C3: variants seen among roughly 807,000 people sequenced by gnomAD.
C3 encodes the protein complement C3.
A neutral mutation model predicts 207.9 loss-of-function variants in C3; 97 were observed. The observed-to-expected ratio is 0.47, with a 90% CI of 0.40 to 0.55. The LOEUF (loss-of-function observed/expected upper bound fraction) is 0.55, where lower values mean the gene tolerates loss of function less well. Ranked by LOEUF, C3 falls within the 20% of genes least tolerant of loss-of-function variation. The pLI is 0.00. For missense variants in C3, 1,684 were observed against 2,171.7 expected, an observed-to-expected ratio of 0.78 and a Z score of 4.46; for synonymous variants, 848 against 857.6, an observed-to-expected ratio of 0.99 and a Z score of 0.20.
At chr19:6,682,446 A>T (rs1917889422) in intron 33 of C3, 1 of 546,050 alleles carries the variant, frequency 1.8e-6, no homozygotes, top group Non-Finnish European at 3.3e-6. Flanking sequence ...TCTGCACCCA[A>T]CTGCATGGAT....
rs1362137104 is a variant in C3 at position 6,719,075 on chromosome 19, C to A, written c.267+136G>T. ...GAAGGGAGGGGCTTAGAAGGAGAGGCGACTCCGAAGGGGTGGAGTCTCAGG... is the reference window on the plus strand; with the variant it reads ...GAAGGGAGGGGCTTAGAAGGAGAGGAGACTCCGAAGGGGTGGAGTCTCAGG... On this transcript the variant is annotated intron_variant, in intron 2 of 40. Transcript: ENST00000245907. This position sits in a 1 kb window ranked among gnomAD's most constrained non-coding sequence, Gnocchi z 5.4. 1.2e-5 allele frequency: 9 copies of A among 749,188 alleles called. No individual in the cohort carries two copies. The highest frequency in any genetic ancestry group is 2.1e-5 in the Non-Finnish European group (9 of 436,094). 46.4% of individuals were successfully genotyped at this position (749,188 alleles called of 1,614,324 possible). A position where few individuals can be genotyped will look rare whatever the true frequency, so the allele number is the denominator to read the frequency against.
rs1409941050 is a variant in C3 at position 6,700,313 on chromosome 19, T to C, written c.2440+1814A>G. On this transcript the variant is annotated intron_variant, in intron 19 of 40. Transcript: ENST00000245907. ...TATATGTGATATGCAATATATATTA[T>C]ATGTAATATAACATATTACATGTAA... 8.6e-5 allele frequency among the ~76,000 whole-genome samples: 11 copies of C among 127,270 alleles called. 3 individuals are homozygous for C. Among genetic ancestry groups the C allele is most frequent in the Non-Finnish European group, 1.7e-4 (11 of 64,080 alleles). The allele number at this position is 127,270 out of a possible 152,430, so 83.5% of individuals were successfully genotyped here. A position where few individuals can be genotyped will look rare whatever the true frequency, so the allele number is the denominator to read the frequency against.
chr19:6,718,457 A>G, intron 2 of C3, 45 bp from the exon 3 acceptor site: 1 of 1,606,940 alleles, frequency 6.2e-7, no homozygotes, highest in Non-Finnish European at 8.5e-7. Flanking sequence ...CCAAGGCCCC[A>G]TGCCCACGGT....
In C3 at chr19:6,677,880, G is replaced by T. The variant is rs529117988; in HGVS notation, c.*2C>A. The T allele has an allele frequency of 6.2e-7, 1 of 1,613,894 alleles. No homozygotes were observed. The highest frequency in any genetic ancestry group is 1.3e-5 in the African/African-American group (1 of 75,002). ...ATCTGGAGTGGGGGAATGGGGGTGT[G>T]GTCAGTTGGGGCACCCAAAGACAAC... On this transcript the variant is annotated 3_prime_UTR_variant, in exon 41 of 41. Coordinates refer to ENST00000245907, the MANE Select transcript of C3 (RefSeq NM_000064.4).
At chr19:6,702,992 C>T (rs867591855) in intron 17 of C3, 13 of 254,394 alleles carry the variant, frequency 5.1e-5, no homozygotes, top group Middle Eastern at 1.5e-3. Context: ...TGAGATCACA[C>T]GACTACACTC....
rs776845513 is a variant in C3, at chr19:6,720,546, G to A, written c.44C>T (p.Thr15Ile). The A allele has an allele frequency of 6.3e-7, 1 of 1,594,046 alleles. No homozygotes were observed. Residue 15 changes from threonine (T) to isoleucine (I), a missense_variant, in exon 1 of 41, where the codon ACC becomes ATC. By Grantham distance (89) the Thr-to-Ile change is moderately conservative. Around this residue, in one of 3 missense-constraint regions of C3, gnomAD observed 58 missense variants for 52.5 expected, o/e 1.10. Coordinates refer to ENST00000245907, the MANE Select transcript of C3 (RefSeq NM_000064.4). ...ACTCCCCAGAGCCAGGGGGAGGTGG[G>A]TTAGTAGCAGGAGCAGCAGGCTGGG... The part of the protein sequence containing the change: ...SGPSLLLLLL[T>I]HLPLALGSPM...
rs1918259165 is a variant in C3, at chr19:6,694,548, G to C, written c.3037C>G (p.Gln1013Glu). The change falls in exon 24 of 41, where the codon CAG becomes GAG. Residue 1013 changes from glutamine to glutamate, a missense_variant. Physicochemically the swap from Gln to Glu is conservative, Grantham distance 29 (BLOSUM62 2). Coordinates refer to ENST00000245907, the MANE Select transcript of C3 (RefSeq NM_000064.4). ...GTGGGCGTCATGCCGATCATGTTCT[G>C]TTCCCCGCAGCCCGAGGGGGTCACA... ...LIVTPSGCGEQNMIGMTPTVI... is the reference protein window; with the variant it reads ...LIVTPSGCGEENMIGMTPTVI... 6.2e-7 allele frequency: 1 copy of C among 1,613,992 alleles called. No homozygotes were observed. The highest frequency in any genetic ancestry group is 1.3e-5 in the African/African-American group (1 of 74,914).
chr19:6,678,654 C>T (rs1027945040), intron 38 of C3, among the ~76,000 whole-genome samples, 199 bp from the exon 39 acceptor site: 33 of 152,162 alleles, frequency 2.2e-4, no homozygotes, highest in African/African-American at 7.7e-4. Flanking sequence ...CACAGTCGTG[C>T]TCATAGGCAT....
rs888299834 is a variant in C3 at position 6,677,980 on chromosome 19, G to A, written c.4894C>T (p.Pro1632Ser). 4 of 1,614,012 alleles carry A rather than the reference G, an allele frequency of 2.5e-6. No individual in the cohort carries two copies. The African/African-American group carries it at 5.3e-5, about 22-fold the overall frequency. Residue 1632 changes from proline to serine, a missense_variant, in exon 41 of 41, where the codon CCC becomes TCC. Physicochemically the swap from Pro to Ser is moderately conservative, Grantham distance 74. Transcript: ENST00000245907. ...IGKDTWVEHW[P>S]EEDECQDEEN... ...TCGTCTTGGCATTCGTCCTCCTCGGGCCAGTGCTCCACCCAAGTGTCCTTC... is the reference window on the plus strand; with the variant it reads ...TCGTCTTGGCATTCGTCCTCCTCGGACCAGTGCTCCACCCAAGTGTCCTTC...
chr19:6,697,282 T>C (rs1193974702), intron 21 of C3, 62 bp downstream of exon 21: 2 of 1,234,450 alleles, frequency 1.6e-6, no homozygotes, highest in South Asian at 1.2e-5. Flanking sequence ...CCTGAGTCAA[T>C]AGTACGAAGA....
chr19:6,718,435 C>CA (rs1318947269), intron 2 of C3, 23 bp from the exon 3 acceptor site: 1 of 1,614,080 alleles, frequency 6.2e-7, no homozygotes, highest in African/African-American at 1.3e-5. Context: ...AGGGCATTGT[C>CA]AGGGGTCTGT....
At chr19:6,689,838 C>A (rs547847704) in intron 27 of C3, among the ~76,000 whole-genome samples, 1 of 152,066 alleles carries the variant, frequency 6.6e-6, no homozygotes, top group Non-Finnish European at 1.5e-5. Context: ...AAAAATTAGC[C>A]GGGTATGGTG....
chr19:6,681,414 C>T (rs929680654), intron 35 of C3, among the ~76,000 whole-genome samples: 5 of 149,676 alleles, frequency 3.3e-5, no homozygotes, highest in East Asian at 2.0e-4. Context: ...GGTGCAGTGT[C>T]GCAGGCCTGC....
intron 19 of C3, among the ~76,000 whole-genome samples, chr19:6,698,954 C>A (rs948484204): frequency 2.0e-5 from 3 of 151,800 alleles, no homozygotes; most frequent in African/African-American, 7.3e-5. Context: ...ACCCGCATGT[C>A]CTGCTAATTT....
At chr19:6,706,380 C>A (rs1195698506) in intron 17 of C3, among the ~76,000 whole-genome samples, 1 of 152,158 alleles carries the variant, frequency 6.6e-6, no homozygotes, top group Non-Finnish European at 1.5e-5. Flanking sequence ...CTCCCTCAGG[C>A]CTGGGCCTCC....
chr19:6,710,918 G>A lies in C3; in HGVS notation c.1479+69C>T, dbSNP rs927784053. 1.2e-5 allele frequency: 20 copies of A among 1,600,562 alleles called. No homozygotes were observed. The South Asian group carries it at 2.2e-4, about 18-fold the overall frequency. Reference sequence around the variant, plus strand: ...ACGCAGGGAGGGATCCGGGATGGGGGAAGGAGTCCCAGGGGTGCGGAAGAA... The same window carrying A: ...ACGCAGGGAGGGATCCGGGATGGGGAAAGGAGTCCCAGGGGTGCGGAAGAA... On this transcript the variant is annotated intron_variant, in intron 12 of 40. Transcript: ENST00000245907.
chr19:6,679,456 A>G lies in C3; in HGVS notation c.4497T>C (p.Asp1499=), dbSNP rs1917802285. Reference sequence around the variant, plus strand: ...CACGGCAGAGCTTGTTCAGCTTTCCATCCTCCTTTTCCGGATGGTAGAACC... The same window carrying G: ...CACGGCAGAGCTTGTTCAGCTTTCCGTCCTCCTTTTCCGGATGGTAGAACC... ...CTRFYHPEKE[D]GKLNKLCRDE... Residue 1499 remains aspartate (D), a synonymous_variant, in exon 37 of 41, where the codon GAT becomes GAC. Coordinates refer to ENST00000245907, the MANE Select transcript of C3 (RefSeq NM_000064.4). The G allele has an allele frequency of 1.2e-6, 2 of 1,613,898 alleles. No individual in the cohort carries two copies. The highest frequency in any genetic ancestry group is 1.3e-5 in the African/African-American group (1 of 75,002).
In C3 at chr19:6,711,170, C is replaced by T. The variant is rs760150621; in HGVS notation, c.1296G>A (p.Ser432=). The T allele has an allele frequency of 1.1e-5, 17 of 1,613,552 alleles. No individual in the cohort carries two copies. The East Asian group carries it at 1.3e-4, about 13-fold the overall frequency. The change falls in exon 12 of 41, where the codon TCG becomes TCA. Residue 432 remains serine (S), a synonymous_variant. Coordinates refer to ENST00000245907, the MANE Select transcript of C3 (RefSeq NM_000064.4). The part of the protein sequence containing the change: ...ITVRTKKQEL[S]EAEQATRTMQ... ...TGGTCCTGGTAGCCTGCTCTGCCTC[C>T]GAGAGCTCCTGCTTCTTCGTGCGCA... is the stretch of plus-strand genomic sequence containing the variant.
intron 14 of C3, 70 bp downstream of exon 14, chr19:6,709,614 C>CCCCCCCCA: frequency 7.9e-6 from 8 of 1,016,374 alleles, no homozygotes; most frequent in Non-Finnish European, 1.1e-5. Flanking sequence ...TCTCCAGTCC[C>CCCCCCCCA]ACCCACCTCC....
Sources: allele counts gnomAD v4.1 joint callset (sites outside exome capture counted in the v4.1 genomes callset), GRCh38; gene constraint gnomAD v4.1.1; regional missense constraint gnomAD v4.1.1; non-coding constraint Gnocchi (gnomAD v3.1); transcripts MANE v1.5; gene names NCBI Gene and HGNC (gene_info 2026-07-23, HGNC 2026-07-21).